The following FSTL5 variants were observed in gnomAD, a reference collection of about 807,000 sequenced individuals.
The protein encoded by FSTL5 is follistatin-related protein 5.
In FSTL5, 62 loss-of-function variants were observed where a neutral mutation model predicts 89.1. The ratio of observed to expected loss-of-function variants is 0.70; its 90% CI spans 0.57 to 0.86. The LOEUF (loss-of-function observed/expected upper bound fraction) is 0.86, where lower values mean the gene tolerates loss of function less well. FSTL5 is among the 40% of genes least tolerant of loss of function. The pLI, the probability that FSTL5 is intolerant of heterozygous loss-of-function variation, is 0.00. For synonymous variants in FSTL5, 383 were observed against 346.2 expected (o/e 1.11, Z -1.18); for missense variants, 1,057 against 1,001.6 (o/e 1.06, Z -0.75).
At chr4:161,720,923 T>C (rs1343746950) in intron 6 of FSTL5, among the ~76,000 whole-genome samples, 2 of 152,056 alleles carry the variant, frequency 1.3e-5, no homozygotes, top group African/African-American at 2.4e-5. Flanking sequence ...ACAAGATGAG[T>C]AAGTCCTGGA....
rs765479409 is a variant in FSTL5, at chr4:161,684,014, G to A, written c.728-27520C>T. 1.4e-4 allele frequency among the ~76,000 whole-genome samples: 22 copies of A among 152,090 alleles called. 1 individual carries two copies. Among genetic ancestry groups the A allele is most frequent in the Admixed American group, 9.2e-4 (14 of 15,274 alleles). Reference sequence around the variant, plus strand: ...CATACGATGTTTGACTTTTCATTCCGGAGTTACTTCACTTGCAATAATAGT... The same window carrying A: ...CATACGATGTTTGACTTTTCATTCCAGAGTTACTTCACTTGCAATAATAGT... On this transcript the variant is annotated intron_variant, in intron 6 of 15. Coordinates refer to ENST00000306100, the MANE Select transcript of FSTL5 (RefSeq NM_020116.5).
intron 4 of FSTL5, among the ~76,000 whole-genome samples, chr4:161,872,148 T>TTTTG (rs1553974289): frequency 1.5e-5 from 2 of 135,802 alleles, no homozygotes; most frequent in East Asian, 2.1e-4. Flanking sequence ...TTGGTTTTTT[T>TTTTG]TTTTTTTTTT....
chr4:161,720,032 C>A lies in FSTL5; in HGVS notation c.727+39379G>T, dbSNP rs1005639588. 3.3e-5 allele frequency among the ~76,000 whole-genome samples: 5 copies of A among 151,924 alleles called. No individual in the cohort carries two copies. In the East Asian group the frequency reaches 9.6e-4, roughly 29 times the overall value. On this transcript the variant is annotated intron_variant, in intron 6 of 15. Transcript: ENST00000306100. ...GCTATTACACCAAAACCATAGGCAA[C>A]AAAGCAACAATAGACAAGTGGAATT... is the stretch of plus-strand genomic sequence containing the variant.
chr4:161,587,358 ATTAGTACC>A, intron 8 of FSTL5, 89 bp downstream of exon 8: 1 of 1,100,850 alleles, frequency 9.1e-7, no homozygotes, highest in South Asian at 1.3e-5. Context: ...TTGAAATATT[ATTAGTACC>A]TTGTAAAAAC....
intron 2 of FSTL5, among the ~76,000 whole-genome samples, chr4:162,051,152 G>A (rs947112251): frequency 1.3e-5 from 2 of 151,410 alleles, no homozygotes; most frequent in African/African-American, 4.8e-5. Context: ...TAAATTTGGT[G>A]TATCAATACT....
chr4:161,582,743 T>C (rs1733478383), intron 8 of FSTL5, among the ~76,000 whole-genome samples: 1 of 152,242 alleles, frequency 6.6e-6, no homozygotes, highest in African/African-American at 2.4e-5. Flanking sequence ...CTACTTGATA[T>C]TTATTTTCCC....
At chr4:161,882,226 T>C (rs1335936313) in intron 4 of FSTL5, among the ~76,000 whole-genome samples, 2 of 152,108 alleles carry the variant, frequency 1.3e-5, no homozygotes, top group African/African-American at 4.8e-5. Flanking sequence ...CAGTGTAACA[T>C]TCTTTTTCTT....
chr4:161,625,469 G>T (rs564433586), intron 7 of FSTL5, among the ~76,000 whole-genome samples: 1 of 152,040 alleles, frequency 6.6e-6, no homozygotes, highest in Admixed American at 6.6e-5. Context: ...TGCCTAAAAT[G>T]TGGCAAACAA....
chr4:161,707,741 A>G (rs1277484642), intron 6 of FSTL5, among the ~76,000 whole-genome samples: 1 of 151,962 alleles, frequency 6.6e-6, no homozygotes, highest in African/African-American at 2.4e-5. Flanking sequence ...AACAATCATA[A>G]CTAATCATCT....
rs150502909 is a variant in FSTL5 at position 161,897,913 on chromosome 4, A to G, written c.409+22491T>C. 3.3e-3 allele frequency among the ~76,000 whole-genome samples: 497 copies of G among 151,850 alleles called. 4 individuals are homozygous for G. The highest frequency in any genetic ancestry group is 0.011 in the African/African-American group (477 of 41,494). On this transcript the variant is annotated intron_variant, in intron 4 of 15. Coordinates refer to ENST00000306100, the MANE Select transcript of FSTL5 (RefSeq NM_020116.5). ...CCCCTTACCTAAAACCTTGAGACCC[A>G]GTGATCTCCTTACTGTCTCAATACT...
intron 1 of FSTL5, among the ~76,000 whole-genome samples, chr4:162,118,113 C>A (rs1330014077): frequency 1.3e-5 from 2 of 152,114 alleles, no homozygotes; most frequent in Non-Finnish European, 1.5e-5. Context: ...TTGGAAGGAC[C>A]GGAGTGGCTT....
chr4:161,593,028 G>A (rs914710267), intron 7 of FSTL5, among the ~76,000 whole-genome samples: 3 of 152,100 alleles, frequency 2.0e-5, no homozygotes, highest in African/African-American at 7.2e-5. Flanking sequence ...CCTTCTAAGA[G>A]TTTTTTGTTC....
At chr4:161,715,495 G>A (rs2126744461) in intron 6 of FSTL5, among the ~76,000 whole-genome samples, 1 of 152,086 alleles carries the variant, frequency 6.6e-6, no homozygotes, top group Middle Eastern at 3.4e-3. Context: ...CTGACTTTTA[G>A]ACAGTGGAGA....
rs1423912913 is a variant in FSTL5 at position 161,636,821 on chromosome 4, C to T, written c.894+19507G>A. 3.0e-5 allele frequency among the ~76,000 whole-genome samples: 4 copies of T among 132,486 alleles called. No individual in the cohort carries two copies. In the East Asian group the frequency reaches 8.7e-4, roughly 29 times the overall value. 86.9% of individuals were successfully genotyped at this position (132,486 alleles called of 152,430 possible). ...CATTTTTTATGGCTGCATAGTATTCCATGGTGTATATGTGCCACATTTTCT... is the reference window on the plus strand; with the variant it reads ...CATTTTTTATGGCTGCATAGTATTCTATGGTGTATATGTGCCACATTTTCT... On this transcript the variant is annotated intron_variant, in intron 7 of 15. Coordinates refer to ENST00000306100, the MANE Select transcript of FSTL5 (RefSeq NM_020116.5).
chr4:162,131,872 A>C (rs1038817855), intron 1 of FSTL5, among the ~76,000 whole-genome samples: 1 of 152,214 alleles, frequency 6.6e-6, no homozygotes, highest in Non-Finnish European at 1.5e-5. Context: ...AGGCAAGAAA[A>C]TTATGGGTAG....
chr4:162,148,513 T>C (rs147818855), intron 1 of FSTL5, among the ~76,000 whole-genome samples: 49 of 152,306 alleles, frequency 3.2e-4, no homozygotes, highest in African/African-American at 1.1e-3. Context: ...CTTATCTGCA[T>C]ATTAATAGGT....
intron 15 of FSTL5, among the ~76,000 whole-genome samples, chr4:161,417,616 T>C (rs1731834630): frequency 6.6e-6 from 1 of 152,192 alleles, no homozygotes; most frequent in African/African-American, 2.4e-5. Flanking sequence ...GGGGGCCAGG[T>C]TACCTGCCTT....
chr4:161,878,351 T>A (rs1326968251), intron 4 of FSTL5, among the ~76,000 whole-genome samples: 2 of 152,146 alleles, frequency 1.3e-5, no homozygotes, highest in African/African-American at 4.8e-5. Flanking sequence ...TATTATGGTT[T>A]GACGATTTGA....
In FSTL5 at chr4:161,479,054, C is replaced by T. The variant is rs556802536; in HGVS notation, c.1608+1966G>A. ...TAGGTAGTATCTAGAAGGAGTAATA[C>T]AAATAATTATTATTATAATAACATG... On this transcript the variant is annotated intron_variant, in intron 13 of 15. Transcript: ENST00000306100. 5.3e-5 allele frequency among the ~76,000 whole-genome samples: 8 copies of T among 151,946 alleles called. No homozygotes were observed. The South Asian group carries it at 1.2e-3, about 24-fold the overall frequency.
Sources: allele counts gnomAD v4.1 joint callset (sites outside exome capture counted in the v4.1 genomes callset), GRCh38; gene constraint gnomAD v4.1.1; transcripts MANE v1.5; gene names NCBI Gene and HGNC (gene_info 2026-07-23, HGNC 2026-07-21).